CEP83: variants seen among roughly 807,000 people sequenced by gnomAD.
CEP83 encodes centrosomal protein 83.
Under a neutral mutation model 101.9 loss-of-function variants are expected in CEP83, and 70 were observed. The observed-to-expected ratio is 0.69, with a 90% CI of 0.57 to 0.84. The LOEUF is 0.84. Among genes scored for constraint, CEP83 ranks in the 40% least tolerant of loss-of-function variants. CEP83 has a pLI of 0.00. For missense variants in CEP83, 715 were observed against 787.2 expected, an observed-to-expected ratio of 0.91 and a Z score of 1.10; for synonymous variants, 264 against 267.9, an observed-to-expected ratio of 0.99 and a Z score of 0.14.
chr12:94,371,310 G>C (rs1371636333), intron 8 of CEP83, among the ~76,000 whole-genome samples: 1 of 152,042 alleles, frequency 6.6e-6, no homozygotes, highest in Non-Finnish European at 1.5e-5. Context: ...ATAAACGGAG[G>C]GGGGAAGGAA....
At chr12:94,281,226 C>A in the CEP83 span, among the ~76,000 whole-genome samples, 27 of 152,280 alleles carry the variant, frequency 1.8e-4, no homozygotes, top group African/African-American at 6.5e-4. Context: ...TTGCAGTGAG[C>A]CCAGATTGCG....
At chr12:94,312,718 G>A (rs968942088) in intron 15 of CEP83, 196 bp downstream of exon 15, 23 of 985,254 alleles carry the variant, frequency 2.3e-5, no homozygotes, top group Non-Finnish European at 2.8e-5. Flanking sequence ...CACCTGGTAT[G>A]TGACAGAGAC....
chr12:94,355,276 G>A (rs1389756754), intron 11 of CEP83, among the ~76,000 whole-genome samples: 8 of 152,036 alleles, frequency 5.3e-5, no homozygotes, highest in African/African-American at 1.4e-4. Flanking sequence ...GGTGGATCAC[G>A]AGGTCAGGAG....
rs370184625 is a variant in CEP83, at chr12:94,348,675, T to C, written c.1344-13011A>G. On this transcript the variant is annotated intron_variant, in intron 11 of 16. Transcript: ENST00000397809. The stretch of plus-strand genomic sequence containing the variant: ...GTGGTCTGCTGCCGGTCTGATCTAC[T>C]ACAGCTTTCTGAATCCCAGGGAAAC... Among the ~76,000 whole-genome samples, 7 of 152,238 alleles carry C rather than the reference T, an allele frequency of 4.6e-5. 1 individual carries two copies. Among genetic ancestry groups the C allele is most frequent in the African/African-American group, 1.7e-4 (7 of 41,556 alleles).
chr12:94,426,108 C>T (rs1484303240), intron 2 of CEP83, among the ~76,000 whole-genome samples: 2 of 149,342 alleles, frequency 1.3e-5, no homozygotes, highest in African/African-American at 2.5e-5. Context: ...GGTGACAGAG[C>T]GAAACTCCGT....
chr12:94,397,949 A>G (rs1036844478), intron 6 of CEP83, among the ~76,000 whole-genome samples: 1 of 152,210 alleles, frequency 6.6e-6, no homozygotes, highest in Non-Finnish European at 1.5e-5. Context: ...GCAACTTCAA[A>G]CTGCCGGTCA....
chr12:94,388,371 G>C (rs2062287456), intron 6 of CEP83, among the ~76,000 whole-genome samples: 1 of 152,158 alleles, frequency 6.6e-6, no homozygotes, highest in East Asian at 1.9e-4. Flanking sequence ...CTTGTAAGTG[G>C]GAGCTAAACA....
intron 9 of CEP83, 182 bp downstream of exon 9, chr12:94,369,717 CATAAGACTGATTTTTTTAAAGTT>C (rs2061204133): frequency 2.5e-6 from 1 of 394,624 alleles, no homozygotes; most frequent in Non-Finnish European, 4.5e-6. Context: ...ATGATAAAAA[CATAAGACTGATTTTTTTAAAGTT>C]ATTAAATCTT....
intron 6 of CEP83, among the ~76,000 whole-genome samples, chr12:94,381,253 T>C (rs766862757): frequency 1.3e-4 from 20 of 152,186 alleles, no homozygotes; most frequent in Non-Finnish European, 2.6e-4. Context: ...CAGACTTACA[T>C]GTCATCTTCC....
the CEP83 span, chr12:94,279,383 T>C: frequency 4.7e-6 from 5 of 1,071,312 alleles, no homozygotes; most frequent in African/African-American, 7.9e-5. Flanking sequence ...GAGGTATTAG[T>C]GGGACTTGCT....
chr12:94,301,629 A>G (rs73230151), downstream of CEP83, among the ~76,000 whole-genome samples: 16,525 of 152,174 alleles, frequency 0.11, 1,108 homozygotes, highest in Non-Finnish European at 0.14. Flanking sequence ...AGCGCTCCAA[A>G]ATATACTAAA....
At chr12:94,304,597 C>G (rs1968809505), downstream of CEP83, among the ~76,000 whole-genome samples, 1 of 152,138 alleles carries the variant, frequency 6.6e-6, no homozygotes, top group South Asian at 2.1e-4. Flanking sequence ...CCCTGATTCC[C>G]CCCCAATCAT....
Position 94,386,156 on chromosome 12 carries a change from T to A in CEP83, c.550-7114A>T, listed in dbSNP as rs1278071780. ...GAAACAGTCTGATCTTTTCAAATCT[T>A]ACTTTTATTCTTGTTAACCAGAACC... On this transcript the variant is annotated intron_variant, in intron 6 of 16. Coordinates refer to ENST00000397809, the MANE Select transcript of CEP83 (RefSeq NM_016122.3). Among the ~76,000 whole-genome samples, 3 of 152,238 alleles carry A rather than the reference T, an allele frequency of 2.0e-5. No individual in the cohort carries two copies. In the East Asian group the frequency reaches 5.8e-4, roughly 29 times the overall value.
At chr12:94,456,890 G>T (rs553082793) in intron 1 of CEP83, among the ~76,000 whole-genome samples, 1 of 152,166 alleles carries the variant, frequency 6.6e-6, no homozygotes, top group Non-Finnish European at 1.5e-5. Flanking sequence ...CTGAAGTCCT[G>T]CCCTTAATAA....
chr12:94,405,636 C>T (rs1046585120), intron 4 of CEP83, among the ~76,000 whole-genome samples: 2 of 152,104 alleles, frequency 1.3e-5, no homozygotes, highest in African/African-American at 4.8e-5. Context: ...AACAAAAGAA[C>T]AGACAAAAAT....
At chr12:94,341,287 GATTAATATCTACTTATCACAGATAT>G (rs1171931070) in intron 11 of CEP83, among the ~76,000 whole-genome samples, 1 of 152,006 alleles carries the variant, frequency 6.6e-6, no homozygotes, top group African/African-American at 2.4e-5. Flanking sequence ...ATATGTAATA[GATTAATATCTACTTATCACAGATAT>G]ATATTATTTG....
Position 94,404,396 on chromosome 12 carries a change from A to G in CEP83, c.325-1134T>C, listed in dbSNP as rs192002873. Among the ~76,000 whole-genome samples the G allele has an allele frequency of 5.9e-5, 9 of 152,302 alleles. No individual in the cohort carries two copies. In the East Asian group the frequency reaches 1.7e-3, roughly 29 times the overall value. The stretch of plus-strand genomic sequence containing the variant: ...TATAGAACCCAAACTCAAGCCAGGT[A>G]ACATTTTAATTTGCCTGGGTGTCAG... On this transcript the variant is annotated intron_variant, in intron 4 of 16. Coordinates refer to ENST00000397809, the MANE Select transcript of CEP83 (RefSeq NM_016122.3).
upstream of CEP83, chr12:94,460,436 C>G (rs1298796476): frequency 2.0e-5 from 3 of 152,890 alleles, no homozygotes; most frequent in East Asian, 1.9e-4. Context: ...GCGTCTGCCT[C>G]GGGCATCAGC....
Position 94,331,844 on chromosome 12 carries a change from T to A in CEP83, c.1578-15A>T. The A allele has an allele frequency of 6.2e-7, 1 of 1,608,924 alleles. No homozygotes were observed. ...CTTCCAATGTCCTGTCAGAAGAATG[T>A]ATGTAAAACATGGAAGTTAAATAAG... is the stretch of plus-strand genomic sequence containing the variant. On this transcript the variant is annotated splice_polypyrimidine_tract_variant and intron_variant, in intron 13 of 16. Transcript: ENST00000397809.
Sources: allele counts gnomAD v4.1 joint callset (sites outside exome capture counted in the v4.1 genomes callset), GRCh38; gene constraint gnomAD v4.1.1; transcripts MANE v1.5; gene names NCBI Gene and HGNC (gene_info 2026-07-23, HGNC 2026-07-21).